The following USP34 variants were observed in gnomAD, a reference collection of about 807,000 sequenced individuals.
USP34 encodes ubiquitin carboxyl-terminal hydrolase 34.
In USP34, 70 loss-of-function variants were observed where a neutral mutation model predicts 460.3. The observed-to-expected ratio is 0.15, with a 90% CI of 0.13 to 0.19. The LOEUF is 0.19. Ranked by LOEUF, USP34 falls within the 10% of genes least tolerant of loss-of-function variation. The pLI is 1.00. For synonymous variants in USP34, 1,647 were observed against 1,405.3 expected, an observed-to-expected ratio of 1.17 and a Z score of -3.85; for missense variants, 3,985 against 4,236.2, an observed-to-expected ratio of 0.94 and a Z score of 1.65.
rs200327453 is a variant in USP34, at chr2:61,402,838, TTG to T, written c.552+2868_552+2869del. ...TAATAATTTGTTTGCTTTAAAATAA[TTG>T]TGTGTATATACATACAAAATTTATA... On this transcript the variant is annotated intron_variant, in intron 3 of 79. Transcript: ENST00000398571. Among the ~76,000 whole-genome samples the T allele has an allele frequency of 3.4e-3, 514 of 152,294 alleles. 2 individuals are homozygous for T. Among genetic ancestry groups the T allele is most frequent in the African/African-American group, 0.011 (441 of 41,572 alleles).
chr2:61,321,163 G>A (rs2103699854), intron 21 of USP34, among the ~76,000 whole-genome samples: 1 of 150,702 alleles, frequency 6.6e-6, no homozygotes, highest in East Asian at 2.0e-4. Context: ...GAGCGAGACT[G>A]TCTCTTTAAA....
intron 1 of USP34, among the ~76,000 whole-genome samples, chr2:61,469,375 G>A (rs917971389): frequency 5.3e-5 from 8 of 152,214 alleles, no homozygotes; most frequent in Non-Finnish European, 8.8e-5. Context: ...TTATCATATC[G>A]TAAACCGCCT....
At chr2:61,398,530 A>G (rs1693611206) in intron 3 of USP34, among the ~76,000 whole-genome samples, 1 of 108,528 alleles carries the variant, frequency 9.2e-6, no homozygotes, top group South Asian at 4.1e-4. Context: ...GGAAGCGGGG[A>G]AGGAGGCGGA....
intron 67 of USP34, among the ~76,000 whole-genome samples, chr2:61,218,310 T>A (rs1335741276): frequency 1.5e-5 from 2 of 135,502 alleles, no homozygotes; most frequent in African/African-American, 2.7e-5. Flanking sequence ...TTAACTAAAC[T>A]TCCAGGAAAA....
At chr2:61,214,832 T>A in intron 67 of USP34, 138 bp from the exon 68 acceptor site, 1 of 1,012,206 alleles carries the variant, frequency 9.9e-7, no homozygotes, top group African/African-American at 1.7e-5. Context: ...TTTTAGTATC[T>A]TTCTGCTTTC....
intron 72 of USP34, among the ~76,000 whole-genome samples, chr2:61,204,901 G>A (rs911371081): frequency 8.5e-5 from 13 of 152,098 alleles, no homozygotes; most frequent in South Asian, 2.1e-4. Flanking sequence ...TGGTCTCCCA[G>A]GCTGGAGTGC....
rs35258583 is a variant in USP34 at position 61,359,779 on chromosome 2, G to GTTTT, written c.1252-9090_1252-9087dup. On this transcript the variant is annotated intron_variant, in intron 10 of 79. Transcript: ENST00000398571. ...GGCCATATATGAAAAGCCCACAGTTGTTTTTTTTTTTTTTTTTTTTTTTGA... is the reference window on the plus strand; with the variant it reads ...GGCCATATATGAAAAGCCCACAGTTGTTTTTTTTTTTTTTTTTTTTTTTTTTTGA... Among the ~76,000 whole-genome samples, 351 of 86,800 alleles carry GTTTT rather than the reference G, an allele frequency of 4.0e-3. 1 individual carries two copies. The highest frequency in any genetic ancestry group is 4.8e-3 in the Non-Finnish European group (212 of 44,408). 56.9% of individuals were successfully genotyped at this position (86,800 alleles called of 152,430 possible).
intron 1 of USP34, among the ~76,000 whole-genome samples, chr2:61,441,033 C>CAGG (rs1288860361): frequency 6.6e-6 from 1 of 150,588 alleles, no homozygotes; most frequent in Non-Finnish European, 1.5e-5. Context: ...GAGGCTGAGG[C>CAGG]AGGAGAATGG....
chr2:61,362,081 A>C (rs1692292746), intron 10 of USP34, among the ~76,000 whole-genome samples: 1 of 152,212 alleles, frequency 6.6e-6, no homozygotes, highest in South Asian at 2.1e-4. Context: ...CAATATCACT[A>C]ATCATCAGAG....
At chr2:61,431,812 C>A (rs969686006) in intron 1 of USP34, among the ~76,000 whole-genome samples, 95 of 152,030 alleles carry the variant, frequency 6.2e-4, no homozygotes, top group Non-Finnish European at 4.4e-5. Flanking sequence ...TGAAATCGCA[C>A]CACTGCATTC....
chr2:61,434,729 T>C (rs997190312), intron 1 of USP34, among the ~76,000 whole-genome samples: 1 of 149,692 alleles, frequency 6.7e-6, no homozygotes, highest in Admixed American at 6.6e-5. Flanking sequence ...CTTATATAAA[T>C]TAAGTCTTTC....
intron 5 of USP34, among the ~76,000 whole-genome samples, chr2:61,385,772 TC>T (rs1693123124): frequency 6.8e-6 from 1 of 147,532 alleles, no homozygotes; most frequent in African/African-American, 2.5e-5. Context: ...GGTGGGCAGA[TC>T]ACCTGAGGTC....
intron 29 of USP34, among the ~76,000 whole-genome samples, chr2:61,297,129 C>T (rs1690054043): frequency 1.3e-5 from 2 of 152,184 alleles, no homozygotes; most frequent in South Asian, 4.1e-4. Context: ...TCTTACTGAA[C>T]ATTTTTCTAG....
At chr2:61,210,366 C>T (rs1031531841) in intron 69 of USP34, among the ~76,000 whole-genome samples, 1 of 152,180 alleles carries the variant, frequency 6.6e-6, no homozygotes, top group African/African-American at 2.4e-5. Context: ...CAAATACTTA[C>T]CTTTCTGTTA....
chr2:61,275,190 G>A (rs903096873), intron 41 of USP34, among the ~76,000 whole-genome samples: 1 of 152,062 alleles, frequency 6.6e-6, no homozygotes, highest in African/African-American at 2.4e-5. Context: ...GAGGTGGGAG[G>A]ACTGCTTGAG....
chr2:61,203,139 C>T lies in USP34; in HGVS notation c.9508+1G>A. The stretch of plus-strand genomic sequence containing the variant: ...ATTTACTGCTCATCTTTTATACTTA[C>T]TCAGCTTAACTAATGTTTCAGTAAA... On this transcript the variant is annotated splice_donor_variant, in intron 75 of 79. Transcript: ENST00000398571. LOFTEE classifies it high-confidence loss of function. 6.3e-7 allele frequency: 1 copy of T among 1,579,174 alleles called. No homozygotes were observed.
intron 2 of USP34, among the ~76,000 whole-genome samples, chr2:61,417,739 C>CTTTTTTTTTTTT (rs1694237952): frequency 1.2e-5 from 1 of 81,098 alleles, no homozygotes; most frequent in Non-Finnish European, 2.3e-5. Flanking sequence ...TTCTTTTTTT[C>CTTTTTTTTTTTT]TTTTCTTTTT....
chr2:61,455,824 A>G (rs1695421138), intron 1 of USP34, among the ~76,000 whole-genome samples: 1 of 152,178 alleles, frequency 6.6e-6, no homozygotes, highest in Non-Finnish European at 1.5e-5. Context: ...TTCACTCCTC[A>G]CAAAATCCCT....
At chr2:61,268,668 A>T (rs533932407) in intron 41 of USP34, among the ~76,000 whole-genome samples, 61 of 152,210 alleles carry the variant, frequency 4.0e-4, no homozygotes, top group Admixed American at 1.5e-3. Context: ...ATAATTCAGA[A>T]GAAATTCAAT....
Sources: gnomAD v4.1 joint callset for allele counts (sites outside exome capture counted in the v4.1 genomes callset) on GRCh38, gnomAD v4.1.1 for gene constraint, MANE v1.5 for transcripts, NCBI Gene and HGNC (gene_info 2026-07-23, HGNC 2026-07-21) for gene names.